Variants in TSEN2 observed in about 807,000 individuals in gnomAD.
The protein encoded by TSEN2 is tRNA splicing endonuclease subunit 2, also known as tRNA-splicing endonuclease subunit Sen2.
In TSEN2, 54 loss-of-function variants were observed where a neutral mutation model predicts 59.2. The ratio of observed to expected loss-of-function variants is 0.91; its 90% CI spans 0.73 to 1.14. The LOEUF (loss-of-function observed/expected upper bound fraction) is 1.14. TSEN2 is among the 50% of genes most tolerant of loss of function. The probability of loss-of-function intolerance (pLI) is 0.00; values close to 1 mark genes in which losing one functional copy is unlikely to be tolerated. For missense variants in TSEN2, 636 were observed against 576.2 expected (o/e 1.10, Z -1.06); for synonymous variants, 195 against 198.2 (o/e 0.98, Z 0.14).
intron 8 of TSEN2, among the ~76,000 whole-genome samples, chr3:12,524,248 G>A (rs961323990): frequency 3.3e-5 from 5 of 152,130 alleles, no homozygotes; most frequent in Admixed American, 2.6e-4. Context: ...TGATTTTCTT[G>A]TTACAATCAC....
chr3:12,535,585 G>T (rs1429554997), downstream of TSEN2, among the ~76,000 whole-genome samples: 1 of 152,148 alleles, frequency 6.6e-6, no homozygotes, highest in Non-Finnish European at 1.5e-5. Flanking sequence ...AGGCTGGAGT[G>T]CAGTGGTGAG....
At chr3:12,531,398 A>G in intron 10 of TSEN2, 172 bp from the exon 11 acceptor site, 1 of 606,172 alleles carries the variant, frequency 1.6e-6, no homozygotes, top group Non-Finnish European at 3.0e-6. Flanking sequence ...GTACTTAGTC[A>G]GAACGTAAAT....
At chr3:12,532,019 A>G (rs299642) in intron 11 of TSEN2, among the ~76,000 whole-genome samples, 59,509 of 151,912 alleles carry the variant, frequency 0.39, 12,213 homozygotes, top group African/African-American at 0.5. Flanking sequence ...GGGCTTCTGT[A>G]TTGAACCAAG....
chr3:12,536,249 G>A (rs1233891743), downstream of TSEN2, among the ~76,000 whole-genome samples: 1 of 152,326 alleles, frequency 6.6e-6, no homozygotes, highest in African/African-American at 2.4e-5. Context: ...TGCAGCCATT[G>A]TGGGGTTTTG....
chr3:12,508,681 T>C (rs1009757902), intron 6 of TSEN2, among the ~76,000 whole-genome samples: 1 of 152,192 alleles, frequency 6.6e-6, no homozygotes, highest in African/African-American at 2.4e-5. Context: ...GCCTTTGCCT[T>C]GACTCATTCA....
At chr3:12,497,855 G>T (rs1295812197) in intron 4 of TSEN2, among the ~76,000 whole-genome samples, 3 of 152,150 alleles carry the variant, frequency 2.0e-5, no homozygotes, top group African/African-American at 4.8e-5. Context: ...TATTGTCATG[G>T]TTTTGGACAC....
chr3:12,537,881 G>A (rs1409855835), downstream of TSEN2, among the ~76,000 whole-genome samples: 2 of 152,174 alleles, frequency 1.3e-5, no homozygotes, highest in African/African-American at 2.4e-5. Flanking sequence ...TGCAGCTGCC[G>A]TTACTACTAA....
At chr3:12,531,279 C>T (rs2057442381) in intron 10 of TSEN2, 1 of 344,334 alleles carries the variant, frequency 2.9e-6, no homozygotes, top group Admixed American at 4.3e-5. Context: ...GTCCAAGAAC[C>T]TATCAAGGAC....
chr3:12,510,156 A>G (rs2055280936), intron 6 of TSEN2, among the ~76,000 whole-genome samples: 2 of 152,194 alleles, frequency 1.3e-5, no homozygotes, highest in South Asian at 2.1e-4. Context: ...AAGAGCTGCT[A>G]ACATCTAGAC....
rs2054513354 is a variant in TSEN2 at position 12,503,538 on chromosome 3, G to C, written c.585G>C (p.Glu195Asp). Residue 195 changes from glutamate (E) to aspartate (D), a missense_variant, in exon 5 of 12, where the codon GAG becomes GAC. By Grantham distance (45) the Glu-to-Asp change is conservative. Transcript: ENST00000284995. ...DPREPLGCLQ[E>D]GSGCHPTTES... ...GTGAGCCATTAGGCTGCCTGCAGGA[G>C]GGCTCTGGCTGCCACCCAACAACAG... is the stretch of plus-strand genomic sequence containing the variant. 6.2e-7 allele frequency: 1 copy of C among 1,612,442 alleles called. No homozygotes were observed. Among genetic ancestry groups the C allele is most frequent in the Non-Finnish European group, 8.5e-7 (1 of 1,178,558 alleles).
At chr3:12,501,614 C>CT (rs34388768) in intron 4 of TSEN2, among the ~76,000 whole-genome samples, 3,920 of 147,192 alleles carry the variant, frequency 0.027, 166 homozygotes, top group African/African-American at 0.09. Context: ...CATATTCAGT[C>CT]TTTTTTTTTT....
rs965680895 is a variant in TSEN2 at position 12,532,567 on chromosome 3, G to A, written c.1339-95G>A. On this transcript the variant is annotated intron_variant, in intron 11 of 11. Coordinates refer to ENST00000284995, the MANE Select transcript of TSEN2 (RefSeq NM_025265.4). ...GAACAGTATCATCATTATATAGACC[G>A]CCCTTTGTGAAATGTAGCTGTGGTG... 53 of 1,190,832 alleles carry A rather than the reference G, an allele frequency of 4.5e-5. No homozygotes were observed. In the African/African-American group the frequency reaches 6.9e-4, roughly 16 times the overall value. 73.8% of individuals were successfully genotyped at this position (1,190,832 alleles called of 1,614,324 possible). A position where few individuals can be genotyped will look rare whatever the true frequency, so the allele number is the denominator to read the frequency against.
chr3:12,492,039 GC>G, intron 2 of TSEN2, 96 bp from the exon 3 acceptor site: 1 of 1,036,518 alleles, frequency 9.6e-7, no homozygotes, highest in African/African-American at 1.6e-5. Context: ...CCTGGAACCA[GC>G]CCCCTGTGGA....
chr3:12,536,346 G>C (rs113114883), downstream of TSEN2, among the ~76,000 whole-genome samples: 2,201 of 152,256 alleles, frequency 0.014, 33 homozygotes, highest in Admixed American at 0.043. Flanking sequence ...GATTACCTTT[G>C]TATAGATCAT....
intron 6 of TSEN2, among the ~76,000 whole-genome samples, chr3:12,507,427 G>C (rs1337180820): frequency 2.0e-5 from 3 of 152,180 alleles, no homozygotes; most frequent in Admixed American, 6.5e-5. Flanking sequence ...GTAACATCTT[G>C]TTCATAGGAT....
At chr3:12,510,503 C>G (rs370018649) in intron 6 of TSEN2, among the ~76,000 whole-genome samples, 6 of 152,246 alleles carry the variant, frequency 3.9e-5, no homozygotes, top group Admixed American at 3.9e-4. Flanking sequence ...ACAGGAGGAC[C>G]AGGTGGGAAT....
Position 12,513,437 on chromosome 3 carries a change from A to G in TSEN2, c.910-3174A>G, listed in dbSNP as rs183086724. On this transcript the variant is annotated intron_variant, in intron 6 of 11. Coordinates refer to ENST00000284995, the MANE Select transcript of TSEN2 (RefSeq NM_025265.4). ...GGTCAGGAGTTCCAGAAAGGAGGAAAACTAAAATTAATTGAGCTTTTAGGT... is the reference window on the plus strand; with the variant it reads ...GGTCAGGAGTTCCAGAAAGGAGGAAGACTAAAATTAATTGAGCTTTTAGGT... 3.0e-4 allele frequency among the ~76,000 whole-genome samples: 46 copies of G among 152,286 alleles called. 1 individual carries two copies. Among genetic ancestry groups the G allele is most frequent in the Admixed American group, 6.5e-4 (10 of 15,290 alleles).
intron 6 of TSEN2, among the ~76,000 whole-genome samples, chr3:12,513,618 C>G (rs1459545539): frequency 6.6e-6 from 1 of 152,194 alleles, no homozygotes; most frequent in African/African-American, 2.4e-5. Flanking sequence ...TCAGGTCTGT[C>G]AGATCTCAAA....
chr3:12,491,290 C>T (rs2053189037), intron 2 of TSEN2, among the ~76,000 whole-genome samples: 1 of 152,124 alleles, frequency 6.6e-6, no homozygotes, highest in African/African-American at 2.4e-5. Context: ...CCATACCTGG[C>T]CTCTTTATTC....
Sources: gnomAD v4.1 joint callset for allele counts (sites outside exome capture counted in the v4.1 genomes callset) on GRCh38, gnomAD v4.1.1 for gene constraint, MANE v1.5 for transcripts, NCBI Gene and HGNC (gene_info 2026-07-23, HGNC 2026-07-21) for gene names.